ANK1: variants seen among roughly 807,000 people sequenced by gnomAD.
ANK1 encodes ankyrin-1.
ANK1 carries 51 observed loss-of-function variants against 210.4 expected under a neutral mutation model. The ratio of observed to expected loss-of-function variants is 0.24; its 90% CI spans 0.19 to 0.31. ANK1 has a LOEUF of 0.31. ANK1 is among the 10% of genes least tolerant of loss of function. The pLI is 1.00. For synonymous variants in ANK1, 967 were observed against 1,025.9 expected (o/e 0.94, Z 1.10); for missense variants, 2,051 against 2,504.4 (o/e 0.82, Z 3.86).
At chr8:41,872,269 G>C (rs11992826) in intron 1 of ANK1, among the ~76,000 whole-genome samples, 2 of 152,206 alleles carry the variant, frequency 1.3e-5, no homozygotes, top group Admixed American at 1.3e-4. Flanking sequence ...ACAGGTAAGG[G>C]GACTGAGTCC....
intron 1 of ANK1, among the ~76,000 whole-genome samples, chr8:41,844,923 G>T (rs1346836249): frequency 6.6e-6 from 1 of 152,134 alleles, no homozygotes; most frequent in Non-Finnish European, 1.5e-5. Context: ...CCCGGGATGC[G>T]CTTTCTGGAC....
At chr8:41,881,545 C>T (rs1587600188) in intron 1 of ANK1, among the ~76,000 whole-genome samples, 1 of 152,232 alleles carries the variant, frequency 6.6e-6, no homozygotes, top group Admixed American at 6.5e-5. Context: ...GTCAAGGGAA[C>T]TGGTATATAA....
At position 41,727,256 on chromosome 8, in the gene ANK1, G is replaced by A; in HGVS notation, c.420C>T (p.Ala140=). 1 of 1,613,664 alleles carries A rather than the reference G, an allele frequency of 6.2e-7. No individual in the cohort carries two copies. The highest frequency in any genetic ancestry group is 8.5e-7 in the Non-Finnish European group (1 of 1,179,568). ...ATTTTTCCAAGGTACTTACTTCTGT[G>A]GCTACATTCTGGTTAGCTCCATTTT... The part of the protein sequence containing the change: ...LLENGANQNV[A]TEDGFTPLAV... The change falls in exon 5 of 43, where the codon GCC becomes GCT. Residue 140 remains alanine (A), a synonymous_variant. Coordinates refer to ENST00000289734, the MANE Select transcript of ANK1 (RefSeq NM_000037.4).
At chr8:41,671,597 C>T (rs1220042388) in intron 38 of ANK1, among the ~76,000 whole-genome samples, 2 of 148,380 alleles carry the variant, frequency 1.3e-5, no homozygotes, top group Non-Finnish European at 3.0e-5. Flanking sequence ...CTCCCGGCAC[C>T]CCGATGTCCC....
At chr8:41,876,580 A>G (rs1338216934) in intron 1 of ANK1, among the ~76,000 whole-genome samples, 1 of 152,238 alleles carries the variant, frequency 6.6e-6, no homozygotes, top group African/African-American at 2.4e-5. Flanking sequence ...GACCCCAGCC[A>G]GGCTTGTCCA....
chr8:41,756,910 C>T (rs1195972008), intron 2 of ANK1, among the ~76,000 whole-genome samples: 1 of 152,154 alleles, frequency 6.6e-6, no homozygotes, highest in Non-Finnish European at 1.5e-5. Context: ...CATGAAGACA[C>T]TATGCTAAAT....
At chr8:41,894,709 C>T (rs908484321) in intron 1 of ANK1, among the ~76,000 whole-genome samples, 2 of 152,176 alleles carry the variant, frequency 1.3e-5, no homozygotes, top group African/African-American at 4.8e-5. Context: ...GGAATGGAAA[C>T]ACAGAGCACT....
chr8:41,688,141 C>A lies in ANK1; in HGVS notation c.4258+15G>T. 6.2e-7 allele frequency: 1 copy of A among 1,613,926 alleles called. No individual in the cohort carries two copies. The highest frequency in any genetic ancestry group is 8.5e-7 in the Non-Finnish European group (1 of 1,179,790). On this transcript the variant is annotated intron_variant, in intron 35 of 42. Transcript: ENST00000289734. ...GATGGACAAAGTGCTTTTCTGCCCC[C>A]AATTCCCCACTCACCTGCCCAGCTG...
At chr8:41,756,601 C>A (rs1839212519) in intron 2 of ANK1, among the ~76,000 whole-genome samples, 1 of 152,120 alleles carries the variant, frequency 6.6e-6, no homozygotes, top group Non-Finnish European at 1.5e-5. Flanking sequence ...CACCACCATG[C>A]CCGGCTAATT....
chr8:41,683,115 T>C (rs947010300), intron 37 of ANK1, among the ~76,000 whole-genome samples: 10 of 151,818 alleles, frequency 6.6e-5, no homozygotes, highest in African/African-American at 2.2e-4. Flanking sequence ...TGCACACACA[T>C]ACGCACACAC....
At chr8:41,773,055 AC>A (rs147985298) in intron 1 of ANK1, among the ~76,000 whole-genome samples, 4,757 of 151,752 alleles carry the variant, frequency 0.031, 114 homozygotes, top group Middle Eastern at 0.054. Context: ...ATCCAGCCTG[AC>A]CCCCCCTAAA....
intron 1 of ANK1, among the ~76,000 whole-genome samples, chr8:41,887,346 G>A (rs970720670): frequency 6.2e-5 from 9 of 144,472 alleles, no homozygotes; most frequent in Non-Finnish European, 1.2e-4. Flanking sequence ...ACTCCCCTGG[G>A]CTCAAGTGAA....
In ANK1 at chr8:41,694,684, C is replaced by G. The variant is rs368279119; in HGVS notation, c.3235G>C (p.Glu1079Gln). 6.2e-7 allele frequency: 1 copy of G among 1,614,140 alleles called. No individual in the cohort carries two copies. ...AGCTTGCTCTTCAGGGAGCCCCCTT[C>G]GGGACCGATGGTGTCGTAGTCCTGG... ...LCQDYDTIGP[E>Q]GGSLKSKLVP... Residue 1079 changes from glutamate (E) to glutamine (Q), a missense_variant, in exon 28 of 43, where the codon GAA (glutamate) becomes CAA (glutamine). This residue lies in a region of ANK1 where 1,413 missense variants were observed against 1,707.4 expected (regional missense o/e 0.83). Coordinates refer to ENST00000289734, the MANE Select transcript of ANK1 (RefSeq NM_000037.4). This position sits in a 1 kb window ranked among gnomAD's most constrained non-coding sequence, Gnocchi z 5.7.
intron 1 of ANK1, among the ~76,000 whole-genome samples, chr8:41,866,934 G>A (rs1295711543): frequency 6.6e-6 from 1 of 152,222 alleles, no homozygotes; most frequent in Non-Finnish European, 1.5e-5. Context: ...ACAAATATCT[G>A]TTTGGGTCCC....
intron 1 of ANK1, among the ~76,000 whole-genome samples, chr8:41,807,627 AGAGGACACTGAT>A (rs149322962): frequency 0.016 from 2,456 of 152,216 alleles, 67 homozygotes; most frequent in African/African-American, 0.057. Context: ...GTCATGATGA[AGAGGACACTGAT>A]GAGGCCGGGC....
chr8:41,824,303 A>G (rs1804979658), intron 1 of ANK1, among the ~76,000 whole-genome samples: 1 of 152,106 alleles, frequency 6.6e-6, no homozygotes, highest in Non-Finnish European at 1.5e-5. Context: ...TCTTATAATT[A>G]TTATTATGAC....
At chr8:41,693,835 C>A (rs1217631325) in intron 29 of ANK1, 63 bp downstream of exon 29, 5 of 1,532,122 alleles carry the variant, frequency 3.3e-6, no homozygotes, top group African/African-American at 2.7e-5. Flanking sequence ...GAGTCACCCC[C>A]CTACTGTGTT....
chr8:41,852,852 G>C (rs1451481042), intron 1 of ANK1, among the ~76,000 whole-genome samples: 1 of 152,202 alleles, frequency 6.6e-6, no homozygotes, highest in African/African-American at 2.4e-5. Context: ...AGGCCTGGAA[G>C]TCTTCCCTGA....
intron 1 of ANK1, among the ~76,000 whole-genome samples, chr8:41,872,038 C>T (rs369056630): frequency 3.9e-5 from 6 of 152,208 alleles, no homozygotes; most frequent in Non-Finnish European, 7.3e-5. Flanking sequence ...AGCTGCTGTC[C>T]TCACTTTGCT....
Sources: gnomAD v4.1 joint callset for allele counts (sites outside exome capture counted in the v4.1 genomes callset) on GRCh38, gnomAD v4.1.1 for gene constraint, gnomAD v4.1.1 regional missense constraint, Gnocchi (gnomAD v3.1) non-coding constraint, MANE v1.5 for transcripts, NCBI Gene and HGNC (gene_info 2026-07-23, HGNC 2026-07-21) for gene names.